Variants in MRC2 observed in about 807,000 individuals in gnomAD.
The protein encoded by MRC2 is C-type mannose receptor 2.
MRC2 carries 84 observed loss-of-function variants against 206.2 expected under a neutral mutation model. The ratio of observed to expected loss-of-function variants is 0.41; its 90% CI spans 0.34 to 0.49. The LOEUF is 0.49. Ranked by LOEUF, MRC2 falls within the 20% of genes least tolerant of loss-of-function variation. The pLI is 0.31. For missense variants in MRC2, 1,676 were observed against 2,001.5 expected (o/e 0.84, Z 3.10); for synonymous variants, 798 against 800.0 (o/e 1.00, Z 0.04).
At position 62,671,714 on chromosome 17, in the gene MRC2, C is replaced by T. The variant is rs761935938; in HGVS notation, c.1183C>T (p.Arg395Cys). The change falls in exon 7 of 30, where the codon CGC becomes TGC. Residue 395 changes from arginine to cysteine, a missense_variant. Coordinates refer to ENST00000303375, the MANE Select transcript of MRC2 (RefSeq NM_006039.5). The surrounding 1 kb of genome is among the most constrained non-coding windows in gnomAD (Gnocchi z 4.5). ...GCAGCCCTTCCAGGGCCACTGCTAC[C>T]GCCTGCAGGCCGAGAAGCGCAGCTG... ...SWQPFQGHCY[R>C]LQAEKRSWQE... 26 of 1,612,384 alleles carry T rather than the reference C, an allele frequency of 1.6e-5. No individual in the cohort carries two copies. Among genetic ancestry groups the T allele is most frequent in the East Asian group, 2.2e-5 (1 of 44,872 alleles).
At position 62,692,333 on chromosome 17, in the gene MRC2, G is replaced by A; in HGVS notation, c.4322G>A (p.Ser1441Asn). ...CTCATCCTTTACCGGAGGCGCCAGAGCATCGAGCGCGGGGCCTTTGAGGGT... is the reference window on the plus strand; with the variant it reads ...CTCATCCTTTACCGGAGGCGCCAGAACATCGAGCGCGGGGCCTTTGAGGGT... ...AALILYRRRQ[S>N]IERGAFEGAR... The change falls in exon 30 of 30, where the codon AGC becomes AAC. Residue 1441 changes from serine to asparagine, a missense_variant. Physicochemically the swap from Ser to Asn is conservative, Grantham distance 46. Around this residue, in one of 3 missense-constraint regions of MRC2, gnomAD observed 1,354 missense variants for 1,636.6 expected, o/e 0.83. Transcript: ENST00000303375. This position sits in a 1 kb window ranked among gnomAD's most constrained non-coding sequence, Gnocchi z 4.2. The A allele has an allele frequency of 6.3e-7, 1 of 1,578,144 alleles. No individual in the cohort carries two copies. Among genetic ancestry groups the A allele is most frequent in the South Asian group, 1.2e-5 (1 of 86,644 alleles).
Position 62,692,101 on chromosome 17 carries a change from CT to C in MRC2, c.4193-9del. On this transcript the variant is annotated splice_polypyrimidine_tract_variant and intron_variant, in intron 28 of 29. Transcript: ENST00000303375. The surrounding 1 kb of genome is among the most constrained non-coding windows in gnomAD (Gnocchi z 4.2). ...TGCTATTATTAACTGGCCCCCTCCTCTTGCCCACAGCTGAGCAGAGCAGCTT... is the reference window on the plus strand; with the variant it reads ...TGCTATTATTAACTGGCCCCCTCCTCTGCCCACAGCTGAGCAGAGCAGCTT... The C allele has an allele frequency of 6.2e-7, 1 of 1,614,248 alleles. No homozygotes were observed. Among genetic ancestry groups the C allele is most frequent in the Non-Finnish European group, 8.5e-7 (1 of 1,180,048 alleles).
Position 62,652,862 on chromosome 17 carries a change from G to A in MRC2, c.119-11686G>A, listed in dbSNP as rs1173410714. Among the ~76,000 whole-genome samples, 1 of 149,354 alleles carries A rather than the reference G, an allele frequency of 6.7e-6. No homozygotes were observed. Among genetic ancestry groups the A allele is most frequent in the Non-Finnish European group, 1.5e-5 (1 of 67,078 alleles). ...GCGTGCCGCAGATTGAGGGCGAACG[G>A]TGGCTTGGGGAGGGGCGCTCCTTGG... On this transcript the variant is annotated intron_variant, in intron 1 of 29. Transcript: ENST00000303375. The surrounding 1 kb of genome is among the most constrained non-coding windows in gnomAD (Gnocchi z 4.6).
chr17:62,633,944 G>A (rs1040174896), intron 1 of MRC2, among the ~76,000 whole-genome samples: 3 of 144,902 alleles, frequency 2.1e-5, no homozygotes, highest in Admixed American at 1.4e-4. Context: ...GGGAACTCAC[G>A]CAAGAAAGAA....
At chr17:62,650,057 GC>G (rs2088537607) in intron 1 of MRC2, among the ~76,000 whole-genome samples, 1 of 152,008 alleles carries the variant, frequency 6.6e-6, no homozygotes, top group South Asian at 2.1e-4. Context: ...ACCACACCCG[GC>G]TAAGTTTTGT....
At chr17:62,638,211 CA>C (rs1450378052) in intron 1 of MRC2, among the ~76,000 whole-genome samples, 2 of 151,928 alleles carry the variant, frequency 1.3e-5, no homozygotes, top group Admixed American at 6.6e-5. Flanking sequence ...AAAAGAAAGA[CA>C]AGTGTTCCAA....
chr17:62,653,104 C>T (rs1308955952), intron 1 of MRC2, among the ~76,000 whole-genome samples: 1 of 152,134 alleles, frequency 6.6e-6, no homozygotes, highest in Non-Finnish European at 1.5e-5. Context: ...GAGGAAAGGG[C>T]CGGGCGCTGC....
At chr17:62,634,158 G>A (rs1179905839) in intron 1 of MRC2, among the ~76,000 whole-genome samples, 2 of 152,202 alleles carry the variant, frequency 1.3e-5, no homozygotes, top group Admixed American at 6.5e-5. Context: ...AACTGAGGGA[G>A]TCTTCCCTTT....
At chr17:62,687,840 G>A (rs902223383) in intron 20 of MRC2, among the ~76,000 whole-genome samples, 9 of 151,770 alleles carry the variant, frequency 5.9e-5, no homozygotes, top group African/African-American at 1.9e-4. Flanking sequence ...CCGAGATGGC[G>A]CCACTGCACT....
chr17:62,644,769 C>G (rs989942833), intron 1 of MRC2, among the ~76,000 whole-genome samples: 4 of 152,070 alleles, frequency 2.6e-5, no homozygotes, highest in Admixed American at 2.0e-4. Context: ...TTGGGACTTA[C>G]GTGAGGGCAT....
intron 1 of MRC2, among the ~76,000 whole-genome samples, chr17:62,645,527 ATTTTTTTTTTTT>A (rs1164231785): frequency 0.024 from 927 of 39,424 alleles, 16 homozygotes; most frequent in African/African-American, 0.078. Flanking sequence ...ATATATATAT[ATTTTTTTTTTTT>A]TTTTTTTTTT....
rs957160217 is a variant in MRC2, at chr17:62,680,074, C to T, written c.2299-96C>T. ...TCACCCGGCCCCCGGTGAGAATTCG[C>T]AGCTCAGGCCAGGCCTCTTGTTCAC... On this transcript the variant is annotated intron_variant, in intron 14 of 29. Transcript: ENST00000303375. This position sits in a 1 kb window ranked among gnomAD's most constrained non-coding sequence, Gnocchi z 4.8. 24 of 1,564,498 alleles carry T rather than the reference C, an allele frequency of 1.5e-5. No homozygotes were observed. Among genetic ancestry groups the T allele is most frequent in the Non-Finnish European group, 2.1e-5 (24 of 1,148,468 alleles).
chr17:62,630,206 G>A (rs1162927201), intron 1 of MRC2, among the ~76,000 whole-genome samples: 3 of 152,208 alleles, frequency 2.0e-5, no homozygotes, highest in African/African-American at 7.2e-5. Flanking sequence ...GAACTGCGTA[G>A]GGGGCAGAAT....
At chr17:62,687,055 A>G (rs1568071330) in intron 20 of MRC2, among the ~76,000 whole-genome samples, 1 of 152,210 alleles carries the variant, frequency 6.6e-6, no homozygotes, top group African/African-American at 2.4e-5. Flanking sequence ...ACCACTTTAC[A>G]GAAGAGTAAA....
intron 18 of MRC2, 82 bp from the exon 19 acceptor site, chr17:62,681,755 T>C: frequency 1.8e-6 from 2 of 1,102,016 alleles, no homozygotes; most frequent in Non-Finnish European, 2.7e-6. Context: ...CTGCCCCCAT[T>C]CCTGCGGCCT....
chr17:62,688,843 T>C lies in MRC2; in HGVS notation c.3226-9T>C. 6.2e-7 allele frequency: 1 copy of C among 1,600,526 alleles called. No individual in the cohort carries two copies. Among genetic ancestry groups the C allele is most frequent in the Non-Finnish European group, 8.5e-7 (1 of 1,172,364 alleles). ...GCTGGGGCTCCCCTGAGCAGCTCCC[T>C]CCCCCCAGACCAGCTGTGCAGTGGT... On this transcript the variant is annotated splice_polypyrimidine_tract_variant and intron_variant, in intron 22 of 29. Coordinates refer to ENST00000303375, the MANE Select transcript of MRC2 (RefSeq NM_006039.5).
chr17:62,667,464 G>T lies in MRC2; in HGVS notation c.1048G>T (p.Asp350Tyr). ...GTCCTCGGGCGGCTGGCAGAACCGT[G>T]ACTGCAGCATCGCGCTGCCCTATGT... ...TESSGGWQNR[D>Y]CSIALPYVCK... The change falls in exon 6 of 30, where the codon GAC becomes TAC. Residue 350 changes from aspartate (D) to tyrosine (Y), a missense_variant. Physicochemically the swap from Asp to Tyr is radical, Grantham distance 160. Transcript: ENST00000303375. The surrounding 1 kb of genome is among the most constrained non-coding windows in gnomAD (Gnocchi z 4.1). 6.2e-7 allele frequency: 1 copy of T among 1,612,838 alleles called. No individual in the cohort carries two copies. The highest frequency in any genetic ancestry group is 1.1e-5 in the South Asian group (1 of 91,000).
intron 10 of MRC2, 60 bp from the exon 11 acceptor site, chr17:62,676,323 C>T (rs2088891218): frequency 6.2e-7 from 1 of 1,600,576 alleles, no homozygotes; most frequent in Non-Finnish European, 8.5e-7. Flanking sequence ...GGCGTCTGGC[C>T]TGTGACTGGG....
At chr17:62,673,289 C>G (rs1210866580) in intron 8 of MRC2, among the ~76,000 whole-genome samples, 1 of 152,094 alleles carries the variant, frequency 6.6e-6, no homozygotes, top group East Asian at 1.9e-4. Context: ...AGGGCGAAGA[C>G]AGAAGCAGGG....
Sources: gnomAD v4.1 joint callset for allele counts (sites outside exome capture counted in the v4.1 genomes callset) on GRCh38, gnomAD v4.1.1 for gene constraint, gnomAD v4.1.1 regional missense constraint, Gnocchi (gnomAD v3.1) non-coding constraint, MANE v1.5 for transcripts, NCBI Gene and HGNC (gene_info 2026-07-23, HGNC 2026-07-21) for gene names.